Variants in ASPRV1 observed in about 807,000 individuals in gnomAD.
ASPRV1 encodes the protein aspartic peptidase retroviral like 1.
In ASPRV1, 7 loss-of-function variants were observed where a neutral mutation model predicts 11.0. The ratio of observed to expected loss-of-function variants is 0.64; its 90% CI spans 0.36 to 1.20. ASPRV1 has a LOEUF of 1.20. Among genes scored for constraint, ASPRV1 ranks in the 50% most tolerant of loss-of-function variants. ASPRV1 has a pLI of 0.02. For synonymous variants in ASPRV1, 136 were observed against 138.4 expected (o/e 0.98, Z 0.12); for missense variants, 299 against 320.0 (o/e 0.93, Z 0.50).
At chr2:70,016,192 A>G in the ASPRV1 span, 1 of 152,242 alleles carries the variant, frequency 6.6e-6, no homozygotes. Context: ...AAACTTTAGA[A>G]GACTGAAATC....
At chr2:69,942,805 C>T in the ASPRV1 span, 1 of 152,172 alleles carries the variant, frequency 6.6e-6, no homozygotes, top group Non-Finnish European at 1.5e-5. Flanking sequence ...GTGTCAAGAT[C>T]ATAGAGAATG....
the ASPRV1 span, among the ~76,000 whole-genome samples, chr2:69,943,387 G>T: frequency 1.3e-5 from 2 of 152,176 alleles, no homozygotes. Context: ...AGTTAGAGGT[G>T]GTGCATTCGA....
At chr2:70,038,779 T>C in the ASPRV1 span, among the ~76,000 whole-genome samples, 1 of 151,962 alleles carries the variant, frequency 6.6e-6, no homozygotes, top group Non-Finnish European at 1.5e-5. Flanking sequence ...AAAGATAAGA[T>C]TATAAAAGAC....
the ASPRV1 span, among the ~76,000 whole-genome samples, chr2:69,992,148 C>A: frequency 2.7e-5 from 4 of 147,946 alleles, no homozygotes; most frequent in African/African-American, 9.9e-5. Flanking sequence ...CTTTGTTCCA[C>A]TTTTTTTTTT....
chr2:69,979,128 GGATTCAAGC>G, the ASPRV1 span, among the ~76,000 whole-genome samples: 1 of 151,746 alleles, frequency 6.6e-6, no homozygotes, highest in African/African-American at 2.4e-5. Flanking sequence ...TCCACCTCCT[GGATTCAAGC>G]GATTCTTCTG....
At chr2:70,051,521 A>C in the ASPRV1 span, among the ~76,000 whole-genome samples, 1 of 152,238 alleles carries the variant, frequency 6.6e-6, no homozygotes, top group South Asian at 2.1e-4. Context: ...TGTATATATC[A>C]AGTGTTTATC....
Position 69,961,070 on chromosome 2 carries a change from C to A in ASPRV1, c.367G>T (p.Val123Leu), listed in dbSNP as rs199802764. Reference protein sequence around the residue: ...YLKGKIGKVPVRFLVDSGAQV... With the variant: ...YLKGKIGKVPLRFLVDSGAQV... ...GCCCCAGAGTCCACCAGGAACCTCA[C>A]GGGCACTTTGCCAATCTTCCCCTTG... is the stretch of plus-strand genomic sequence containing the variant. Residue 123 changes from valine (V) to leucine (L), a missense_variant, in exon 1 of 1, where the codon GTG (valine) becomes TTG (leucine). Val to Leu is a conservative substitution (Grantham distance 32). Transcript: ENST00000320256. The A allele has an allele frequency of 3.7e-6, 6 of 1,613,872 alleles. No individual in the cohort carries two copies. In the East Asian group the frequency reaches 8.9e-5, roughly 24 times the overall value.
the ASPRV1 span, among the ~76,000 whole-genome samples, chr2:69,974,125 G>A: frequency 8.4e-4 from 128 of 152,194 alleles, 1 homozygote; most frequent in African/African-American, 2.9e-3. Context: ...ATCACCTGAC[G>A]TCAGGAGTTC....
At chr2:69,959,982 T>C (rs1678027037), downstream of ASPRV1, 1 of 152,256 alleles carries the variant, frequency 6.6e-6, no homozygotes, top group Non-Finnish European at 1.5e-5. Context: ...CCTGTGTATA[T>C]GTTCTTATAC....
chr2:69,967,192 C>A, the ASPRV1 span, among the ~76,000 whole-genome samples: 1 of 152,206 alleles, frequency 6.6e-6, no homozygotes, highest in Non-Finnish European at 1.5e-5. Flanking sequence ...AGAGATGAAT[C>A]AGACCTGCGC....
the ASPRV1 span, among the ~76,000 whole-genome samples, chr2:70,010,427 A>G: frequency 6.6e-6 from 1 of 152,052 alleles, no homozygotes; most frequent in African/African-American, 2.4e-5. Flanking sequence ...GGCACAAGGA[A>G]CTGCATGTGC....
At chr2:70,074,180 T>C in the ASPRV1 span, among the ~76,000 whole-genome samples, 1 of 148,984 alleles carries the variant, frequency 6.7e-6, no homozygotes, top group Non-Finnish European at 1.5e-5. Context: ...CAAATACCAT[T>C]GCCCCAAACT....
the ASPRV1 span, among the ~76,000 whole-genome samples, chr2:69,933,225 C>G: frequency 5.4e-5 from 6 of 111,318 alleles, no homozygotes; most frequent in Admixed American, 2.9e-4. Context: ...AAAAAAAAAA[C>G]AAAAAAAGAA....
the ASPRV1 span, among the ~76,000 whole-genome samples, chr2:69,983,061 G>C: frequency 6.6e-6 from 1 of 152,150 alleles, no homozygotes. Context: ...TGGGATTACA[G>C]GTGTGTGCCA....
the ASPRV1 span, among the ~76,000 whole-genome samples, chr2:70,037,530 AC>A: frequency 6.6e-6 from 1 of 152,196 alleles, no homozygotes; most frequent in African/African-American, 2.4e-5. Flanking sequence ...TGTTGGGATT[AC>A]AGGCATGAGG....
the ASPRV1 span, among the ~76,000 whole-genome samples, chr2:69,994,697 T>TA: frequency 3.9e-5 from 6 of 152,056 alleles, no homozygotes; most frequent in South Asian, 4.1e-4. Flanking sequence ...CCTTTCTCTT[T>TA]AAAAAAATAA....
chr2:70,083,283 G>A, the ASPRV1 span, among the ~76,000 whole-genome samples: 10 of 152,314 alleles, frequency 6.6e-5, no homozygotes, highest in African/African-American at 1.7e-4. Context: ...GCTGTGTAAC[G>A]TTGGGCAAGT....
the ASPRV1 span, chr2:70,063,905 T>C: frequency 1.3e-5 from 2 of 152,226 alleles, no homozygotes; most frequent in Non-Finnish European, 2.9e-5. Flanking sequence ...CTACTCACTA[T>C]CCAGGTGCTC....
the ASPRV1 span, among the ~76,000 whole-genome samples, chr2:70,065,295 G>A: frequency 6.7e-6 from 1 of 148,852 alleles, no homozygotes; most frequent in Non-Finnish European, 1.5e-5. Flanking sequence ...GGAGGCTGAG[G>A]CAGAAGAATG....
Sources: allele counts gnomAD v4.1 joint callset (sites outside exome capture counted in the v4.1 genomes callset), GRCh38; gene constraint gnomAD v4.1.1; transcripts MANE v1.5; gene names NCBI Gene and HGNC (gene_info 2026-07-23, HGNC 2026-07-21).